NWD2: variants seen among roughly 807,000 people sequenced by gnomAD.
The protein encoded by NWD2 is NACHT and WD repeat domain containing 2.
Under a neutral mutation model 132.7 loss-of-function variants are expected in NWD2, and 37 were observed. The observed-to-expected ratio is 0.28, with a 90% CI of 0.21 to 0.37. NWD2 has a LOEUF of 0.37. Ranked by LOEUF, NWD2 falls within the 10% of genes least tolerant of loss-of-function variation. NWD2 has a pLI of 1.00. For synonymous variants in NWD2, 705 were observed against 803.0 expected (o/e 0.88, Z 2.06); for missense variants, 1,592 against 2,122.4 (o/e 0.75, Z 4.91).
At chr4:37,348,786 G>A (rs1419705041) in intron 2 of NWD2, among the ~76,000 whole-genome samples, 2 of 149,022 alleles carry the variant, frequency 1.3e-5, no homozygotes, top group African/African-American at 2.5e-5. Context: ...TGCACCCATC[G>A]ACCCGTCATC....
intron 3 of NWD2, among the ~76,000 whole-genome samples, chr4:37,408,540 A>C (rs2109318160): frequency 6.6e-6 from 1 of 152,334 alleles, no homozygotes; most frequent in South Asian, 2.1e-4. Context: ...AGGGACTTGC[A>C]GATAAAACCC....
At chr4:37,277,126 G>C (rs1343833100) in intron 1 of NWD2, among the ~76,000 whole-genome samples, 1 of 118,310 alleles carries the variant, frequency 8.5e-6, no homozygotes, top group African/African-American at 3.3e-5. Flanking sequence ...AAAACTTAAA[G>C]TATAATTAAA....
intron 1 of NWD2, among the ~76,000 whole-genome samples, chr4:37,323,491 T>C (rs1719109503): frequency 6.6e-6 from 1 of 152,068 alleles, no homozygotes; most frequent in African/African-American, 2.4e-5. Flanking sequence ...CACAATGAGA[T>C]ACATTCTCAT....
At chr4:37,424,215 C>T (rs183446959) in intron 3 of NWD2, among the ~76,000 whole-genome samples, 1 of 152,212 alleles carries the variant, frequency 6.6e-6, no homozygotes, top group Non-Finnish European at 1.5e-5. Flanking sequence ...CACATTCATA[C>T]ATGGTAGCCC....
At chr4:37,285,606 CATTTA>C (rs769971860) in intron 1 of NWD2, among the ~76,000 whole-genome samples, 1 of 152,084 alleles carries the variant, frequency 6.6e-6, no homozygotes, top group Non-Finnish European at 1.5e-5. Flanking sequence ...TATTCCTTAA[CATTTA>C]ATTAATTTCT....
chr4:37,253,001 A>ACC (rs11315442), intron 1 of NWD2, among the ~76,000 whole-genome samples: 422 of 136,470 alleles, frequency 3.1e-3, no homozygotes, highest in African/African-American at 8.9e-3. Flanking sequence ...AATTACCACA[A>ACC]CCCCCCCCCC....
intron 2 of NWD2, among the ~76,000 whole-genome samples, chr4:37,337,334 A>G (rs1324272608): frequency 6.6e-6 from 1 of 152,238 alleles, no homozygotes; most frequent in Non-Finnish European, 1.5e-5. Context: ...CGCCTTTGCA[A>G]CTAAGCGTGA....
At position 37,388,723 on chromosome 4, in the gene NWD2, C is replaced by CAT. The variant is rs1382521904; in HGVS notation, c.357+32250_357+32251dup. Among the ~76,000 whole-genome samples the CAT allele has an allele frequency of 5.2e-5, 6 of 115,480 alleles. No homozygotes were observed. The South Asian group carries it at 1.0e-3, about 20-fold the overall frequency. 75.8% of individuals were successfully genotyped at this position (115,480 alleles called of 152,430 possible). ...ATATATGATATATAAATATATATAT[C>CAT]ATATATATATCATAAAATTTGCCAT... On this transcript the variant is annotated intron_variant, in intron 3 of 6. Coordinates refer to ENST00000309447, the MANE Select transcript of NWD2 (RefSeq NM_001144990.2).
At chr4:37,433,527 A>G (rs1712233153) in intron 4 of NWD2, among the ~76,000 whole-genome samples, 1 of 152,240 alleles carries the variant, frequency 6.6e-6, no homozygotes. Context: ...TAGATATAAC[A>G]TAAGAGCACC....
At chr4:37,403,656 T>A (rs1002514472) in intron 3 of NWD2, among the ~76,000 whole-genome samples, 2 of 152,190 alleles carry the variant, frequency 1.3e-5, no homozygotes, top group Non-Finnish European at 2.9e-5. Flanking sequence ...AAAGCTATAA[T>A]GCATAGATCA....
intron 3 of NWD2, among the ~76,000 whole-genome samples, chr4:37,390,655 C>G (rs1443491470): frequency 6.6e-6 from 1 of 152,092 alleles, no homozygotes; most frequent in South Asian, 2.1e-4. Flanking sequence ...TGCCTTAAAT[C>G]CATCAAAAAT....
At chr4:37,294,772 A>G (rs1718442705) in intron 1 of NWD2, among the ~76,000 whole-genome samples, 4 of 152,270 alleles carry the variant, frequency 2.6e-5, no homozygotes, top group African/African-American at 4.8e-5. Context: ...AAAATTAGTC[A>G]TAGAATATTA....
At chr4:37,255,089 A>G (rs908220900) in intron 1 of NWD2, among the ~76,000 whole-genome samples, 2 of 152,202 alleles carry the variant, frequency 1.3e-5, no homozygotes, top group Non-Finnish European at 2.9e-5. Flanking sequence ...CAAACACCTA[A>G]TTGGTTGGTG....
chr4:37,400,215 C>T (rs1249414104), intron 3 of NWD2, among the ~76,000 whole-genome samples: 1 of 152,226 alleles, frequency 6.6e-6, no homozygotes, highest in East Asian at 1.9e-4. Context: ...GTGTTGCTAT[C>T]TGTCCTATGT....
intron 1 of NWD2, among the ~76,000 whole-genome samples, chr4:37,250,239 C>T (rs539179368): frequency 6.6e-6 from 1 of 152,060 alleles, no homozygotes; most frequent in African/African-American, 2.4e-5. Flanking sequence ...GGGGAATATA[C>T]TGAGTTGCTA....
At chr4:37,291,936 T>C (rs527973450) in intron 1 of NWD2, among the ~76,000 whole-genome samples, 3 of 152,296 alleles carry the variant, frequency 2.0e-5, no homozygotes, top group Admixed American at 1.3e-4. Context: ...TTTGAACATA[T>C]AAGAAATATT....
chr4:37,366,843 A>G (rs1446594498), intron 3 of NWD2, among the ~76,000 whole-genome samples: 2 of 152,180 alleles, frequency 1.3e-5, no homozygotes, highest in Non-Finnish European at 2.9e-5. Context: ...AAATATAAAA[A>G]TCTTGACTAA....
chr4:37,348,675 T>TATATATATATATATACAC (rs1308407988), intron 2 of NWD2, among the ~76,000 whole-genome samples: 35 of 22,558 alleles, frequency 1.6e-3, no homozygotes, highest in Admixed American at 2.4e-3. Flanking sequence ...TATATATATA[T>TATATATATATATATACAC]ACACACACAC....
At chr4:37,262,660 C>T (rs1341458274) in intron 1 of NWD2, among the ~76,000 whole-genome samples, 1 of 152,088 alleles carries the variant, frequency 6.6e-6, no homozygotes, top group Non-Finnish European at 1.5e-5. Flanking sequence ...TACCCAGGTA[C>T]CTCGGAACTA....
Sources: gnomAD v4.1 joint callset for allele counts (sites outside exome capture counted in the v4.1 genomes callset) on GRCh38, gnomAD v4.1.1 for gene constraint, MANE v1.5 for transcripts, NCBI Gene and HGNC (gene_info 2026-07-23, HGNC 2026-07-21) for gene names.